OSBPL9: variants seen among roughly 807,000 people sequenced by gnomAD.
OSBPL9 encodes oxysterol-binding protein-related protein 9.
OSBPL9 carries 40 observed loss-of-function variants against 106.6 expected under a neutral mutation model. That is an observed-to-expected ratio of 0.38 (90% confidence interval 0.29 to 0.49). OSBPL9 has a LOEUF of 0.49. Among genes scored for constraint, OSBPL9 ranks in the 20% least tolerant of loss-of-function variants. OSBPL9 has a pLI of 0.97. For missense variants in OSBPL9, 609 were observed against 887.2 expected (o/e 0.69, Z 3.98); for synonymous variants, 269 against 295.4 (o/e 0.91, Z 0.92).
chr1:51,701,526 G>T (rs981467482), intron 3 of OSBPL9, among the ~76,000 whole-genome samples: 27 of 151,878 alleles, frequency 1.8e-4, no homozygotes, highest in Non-Finnish European at 2.9e-5. Context: ...CTTGTCTGTA[G>T]TTACAGAATT....
intron 4 of OSBPL9, among the ~76,000 whole-genome samples, chr1:51,734,971 C>T (rs1042658986): frequency 5.3e-5 from 8 of 152,182 alleles, no homozygotes; most frequent in African/African-American, 1.9e-4. Context: ...TTCTCAGCTC[C>T]TCAGTTTGGG....
At chr1:51,519,367 TCCC>T in the OSBPL9 span, 1 of 321,160 alleles carries the variant, frequency 3.1e-6, no homozygotes, top group African/African-American at 2.2e-5. Context: ...ACAACTTCCC[TCCC>T]CACGCCCGCC....
At position 51,713,189 on chromosome 1, in the gene OSBPL9, G is replaced by A. The variant is rs1385372311; in HGVS notation, c.242-814G>A. ...TTTTGAGACAGAGTCGCCCTCTGTT[G>A]CCCAGGCTGGAGTGCAGTGGCACGA... On this transcript the variant is annotated intron_variant, in intron 3 of 23. Transcript: ENST00000428468. Among the ~76,000 whole-genome samples the A allele has an allele frequency of 5.9e-5, 9 of 151,884 alleles. No homozygotes were observed. In the East Asian group the frequency reaches 1.3e-3, roughly 23 times the overall value.
In OSBPL9 at chr1:51,787,785, A is replaced by C. The variant is rs759139399; in HGVS notation, c.2207A>C (p.His736Pro). The C allele has an allele frequency of 2.1e-5, 34 of 1,611,676 alleles. No individual in the cohort carries two copies. The highest frequency in any genetic ancestry group is 2.9e-5 in the Non-Finnish European group (34 of 1,178,290). Residue 736 changes from histidine (H) to proline (P), a missense_variant, in exon 24 of 24, where the codon CAT becomes CCT. Coordinates refer to ENST00000428468, the MANE Select transcript of OSBPL9 (RefSeq NM_024586.6). ...CTGAAACGTCTTGGTGCTGCCAAGC[A>C]TTAGGTTGGAAGATGCAAAGTTTAT... ...PLLKRLGAAK[H>P]
intron 8 of OSBPL9, 58 bp downstream of exon 8, chr1:51,750,253 G>A (rs947962619): frequency 7.8e-6 from 10 of 1,281,118 alleles, no homozygotes; most frequent in Middle Eastern, 3.9e-4. Context: ...TTATAATGGC[G>A]TTTTTCTTTA....
intron 7 of OSBPL9, 115 bp downstream of exon 7, chr1:51,748,513 T>G (rs1668513709): frequency 1.7e-6 from 2 of 1,151,560 alleles, no homozygotes; most frequent in South Asian, 4.9e-5. Context: ...TTTTTATGAA[T>G]ATTATACAGG....
intron 9 of OSBPL9, among the ~76,000 whole-genome samples, chr1:51,758,425 A>G (rs1300029648): frequency 4.2e-5 from 5 of 120,100 alleles, no homozygotes; most frequent in Admixed American, 7.9e-5. Flanking sequence ...CTATTTTCAG[A>G]AAAAAAAAAA....
chr1:51,580,743 T>C (rs997954824), intron 1 of OSBPL9, among the ~76,000 whole-genome samples: 4 of 151,332 alleles, frequency 2.6e-5, no homozygotes, highest in African/African-American at 9.7e-5. Flanking sequence ...TCTTATTTTA[T>C]ATTTCTTCAT....
At chr1:51,595,763 C>G (rs1475511817) in intron 1 of OSBPL9, among the ~76,000 whole-genome samples, 1 of 152,102 alleles carries the variant, frequency 6.6e-6, no homozygotes, top group East Asian at 1.9e-4. Flanking sequence ...GCACCAGGCT[C>G]TTAAGAGGCG....
chr1:51,551,775 T>C, the OSBPL9 span, among the ~76,000 whole-genome samples: 2 of 151,648 alleles, frequency 1.3e-5, no homozygotes, highest in Non-Finnish European at 2.9e-5. Flanking sequence ...GTATTTTTCA[T>C]AGGGATGGGG....
intron 1 of OSBPL9, among the ~76,000 whole-genome samples, 175 bp downstream of exon 1, chr1:51,617,396 GGA>G (rs1333526409): frequency 6.6e-6 from 1 of 152,190 alleles, no homozygotes; most frequent in Non-Finnish European, 1.5e-5. Flanking sequence ...TGAGGGTGAG[GGA>G]GAGAGGGGCG....
intron 3 of OSBPL9, among the ~76,000 whole-genome samples, chr1:51,670,570 A>G (rs1048256335): frequency 6.6e-6 from 1 of 152,212 alleles, no homozygotes; most frequent in Non-Finnish European, 1.5e-5. Flanking sequence ...GACAGATAGT[A>G]ATGAAAGATG....
the OSBPL9 span, among the ~76,000 whole-genome samples, chr1:51,529,278 T>C: frequency 6.6e-6 from 1 of 152,050 alleles, no homozygotes; most frequent in Non-Finnish European, 1.5e-5. Context: ...CTTGCTCTGT[T>C]GCCCAGGCTG....
chr1:51,675,541 T>C (rs868856047), intron 3 of OSBPL9, among the ~76,000 whole-genome samples: 2 of 152,096 alleles, frequency 1.3e-5, no homozygotes, highest in African/African-American at 4.8e-5. Context: ...TTGAGTGTTA[T>C]CCTTCTGGAA....
chr1:51,732,499 G>GTA (rs1244895784), intron 4 of OSBPL9, among the ~76,000 whole-genome samples: 1 of 152,168 alleles, frequency 6.6e-6, no homozygotes, highest in East Asian at 1.9e-4. Flanking sequence ...ATTAAGCCAC[G>GTA]TATTCCTCCT....
intron 2 of OSBPL9, among the ~76,000 whole-genome samples, chr1:51,657,076 A>G (rs1177484578): frequency 6.6e-6 from 1 of 152,210 alleles, no homozygotes; most frequent in East Asian, 1.9e-4. Context: ...ATAAGTTCCT[A>G]TTCAGTGTCA....
intron 1 of OSBPL9, among the ~76,000 whole-genome samples, chr1:51,585,543 C>T (rs748897838): frequency 6.6e-6 from 1 of 151,966 alleles, no homozygotes; most frequent in Non-Finnish European, 1.5e-5. Context: ...TTTGGGAGGC[C>T]GAGGAAGGCA....
intron 3 of OSBPL9, among the ~76,000 whole-genome samples, chr1:51,698,368 A>G (rs1476840591): frequency 6.6e-6 from 1 of 152,196 alleles, no homozygotes; most frequent in African/African-American, 2.4e-5. Flanking sequence ...CAGCATTTTA[A>G]AAAAATGAAT....
chr1:51,751,890 C>T (rs1015678780), intron 8 of OSBPL9, among the ~76,000 whole-genome samples: 2 of 152,116 alleles, frequency 1.3e-5, no homozygotes, highest in Admixed American at 6.5e-5. Context: ...AATAAAACTA[C>T]GTTTTAGGGT....
Sources: gnomAD v4.1 joint callset for allele counts (sites outside exome capture counted in the v4.1 genomes callset) on GRCh38, gnomAD v4.1.1 for gene constraint, MANE v1.5 for transcripts, NCBI Gene and HGNC (gene_info 2026-07-23, HGNC 2026-07-21) for gene names.